Variants in THEMIS observed in about 807,000 individuals in gnomAD.
THEMIS encodes the protein protein THEMIS.
THEMIS carries 37 observed loss-of-function variants against 52.6 expected under a neutral mutation model. The observed-to-expected ratio is 0.70, with a 90% CI of 0.54 to 0.93. THEMIS has a LOEUF of 0.93. Ranked by LOEUF, THEMIS falls within the 40% of genes least tolerant of loss-of-function variation. The pLI is 0.00. For missense variants in THEMIS, 808 were observed against 763.1 expected (o/e 1.06, Z -0.69); for synonymous variants, 292 against 272.7 (o/e 1.07, Z -0.70).
At chr6:127,761,687 C>G (rs1322879831) in intron 4 of THEMIS, among the ~76,000 whole-genome samples, 1 of 152,120 alleles carries the variant, frequency 6.6e-6, no homozygotes, top group African/African-American at 2.4e-5. Context: ...GCAGCCCACC[C>G]TTTTCTTTTT....
intron 2 of THEMIS, among the ~76,000 whole-genome samples, chr6:127,844,327 G>T (rs959691620): frequency 4.0e-5 from 6 of 151,702 alleles, no homozygotes; most frequent in Non-Finnish European, 7.4e-5. Context: ...GTACATCTTT[G>T]GTATCTTCAT....
At chr6:127,763,395 C>A (rs1776087325) in intron 4 of THEMIS, among the ~76,000 whole-genome samples, 1 of 151,908 alleles carries the variant, frequency 6.6e-6, no homozygotes, top group South Asian at 2.1e-4. Context: ...TCATCCCAAA[C>A]AAAAGTTAAT....
intron 2 of THEMIS, among the ~76,000 whole-genome samples, chr6:127,842,753 G>T (rs1239686108): frequency 6.6e-6 from 1 of 151,818 alleles, no homozygotes; most frequent in Non-Finnish European, 1.5e-5. Context: ...TTTCTTGGAG[G>T]GCAAAAGTTG....
At chr6:127,881,444 T>C (rs1780482387) in intron 1 of THEMIS, among the ~76,000 whole-genome samples, 1 of 152,110 alleles carries the variant, frequency 6.6e-6, no homozygotes, top group Admixed American at 6.5e-5. Flanking sequence ...TCTATATTTA[T>C]AGGATTATAG....
chr6:127,906,873 C>T (rs193225111), intron 1 of THEMIS, among the ~76,000 whole-genome samples: 13 of 151,650 alleles, frequency 8.6e-5, no homozygotes, highest in South Asian at 6.2e-4. Context: ...GCAAACTTTA[C>T]GTAAAATACC....
intron 4 of THEMIS, among the ~76,000 whole-genome samples, chr6:127,734,264 A>G (rs761836981): frequency 3.9e-5 from 6 of 152,224 alleles, no homozygotes; most frequent in Non-Finnish European, 8.8e-5. Flanking sequence ...TTCAGGTGTG[A>G]CACTATATTG....
chr6:127,872,401 A>G (rs1334343940), intron 1 of THEMIS, among the ~76,000 whole-genome samples: 5 of 151,958 alleles, frequency 3.3e-5, no homozygotes, highest in Admixed American at 2.6e-4. Flanking sequence ...GTGAAACTCC[A>G]TCTCTACTAA....
intron 1 of THEMIS, among the ~76,000 whole-genome samples, chr6:127,862,428 A>ATTTTTGTTTTTTTTTTTTT (rs1779834354): frequency 4.1e-5 from 3 of 72,808 alleles, no homozygotes; most frequent in Admixed American, 1.7e-4. Flanking sequence ...TAGGGAGTAA[A>ATTTTTGTTTTTTTTTTTTT]TTTTTTTTTT....
chr6:127,744,778 T>C (rs888480001), intron 4 of THEMIS, among the ~76,000 whole-genome samples: 1 of 151,898 alleles, frequency 6.6e-6, no homozygotes, highest in African/African-American at 2.4e-5. Context: ...TGGTTAACGA[T>C]ACAATCCTGT....
chr6:127,890,648 C>T (rs1780776630), intron 1 of THEMIS, among the ~76,000 whole-genome samples: 1 of 152,074 alleles, frequency 6.6e-6, no homozygotes, highest in African/African-American at 2.4e-5. Context: ...CCTAATTACT[C>T]TAACTTGATC....
intron 4 of THEMIS, among the ~76,000 whole-genome samples, chr6:127,782,361 C>G (rs751658780): frequency 3.3e-5 from 5 of 152,150 alleles, no homozygotes; most frequent in Non-Finnish European, 7.4e-5. Context: ...AAAACTCCTG[C>G]AGCTAGCTCA....
intron 1 of THEMIS, among the ~76,000 whole-genome samples, chr6:127,900,147 A>C (rs912078552): frequency 6.6e-6 from 1 of 151,764 alleles, no homozygotes; most frequent in South Asian, 2.1e-4. Flanking sequence ...TATGTATTCA[A>C]ACTAACCATG....
chr6:127,879,401 A>G (rs553720447), intron 1 of THEMIS, among the ~76,000 whole-genome samples: 22 of 152,266 alleles, frequency 1.4e-4, no homozygotes, highest in African/African-American at 5.3e-4. Context: ...AAAGAGTGTC[A>G]GCTGGATAAA....
chr6:127,745,255 T>C (rs1260395415), intron 4 of THEMIS, among the ~76,000 whole-genome samples: 3 of 151,864 alleles, frequency 2.0e-5, no homozygotes, highest in Non-Finnish European at 4.4e-5. Flanking sequence ...ATAATTCTAC[T>C]GGTGGAAAAT....
At chr6:127,707,764 A>G (rs1045668296), downstream of THEMIS, among the ~76,000 whole-genome samples, 1 of 152,112 alleles carries the variant, frequency 6.6e-6, no homozygotes, top group Non-Finnish European at 1.5e-5. Flanking sequence ...TTAAACACCT[A>G]AAAGTCTCAT....
intron 5 of THEMIS, among the ~76,000 whole-genome samples, chr6:127,710,303 G>C (rs1200074496): frequency 6.6e-6 from 1 of 151,978 alleles, no homozygotes; most frequent in Non-Finnish European, 1.5e-5. Flanking sequence ...TTGCGTTTCA[G>C]TTCATCCTTA....
Position 127,766,567 on chromosome 6 carries a change from A to G in THEMIS, c.1758+46316T>C, listed in dbSNP as rs1776207226. Among the ~76,000 whole-genome samples, 7 of 152,184 alleles carry G rather than the reference A, an allele frequency of 4.6e-5. No homozygotes were observed. In the South Asian group the frequency reaches 1.4e-3, roughly 32 times the overall value. On this transcript the variant is annotated intron_variant, in intron 4 of 5. Transcript: ENST00000368248. Reference sequence around the variant, plus strand: ...AATTTTGTCATTGTGCAAGCACCACAGAGTACACTTACAGAAACATAGATG... The same window carrying G: ...AATTTTGTCATTGTGCAAGCACCACGGAGTACACTTACAGAAACATAGATG...
the THEMIS span, among the ~76,000 whole-genome samples, chr6:127,699,455 T>C: frequency 6.7e-6 from 1 of 149,466 alleles, no homozygotes; most frequent in Non-Finnish European, 1.5e-5. Flanking sequence ...GAAAAGTACA[T>C]TGTACATACT....
intron 4 of THEMIS, among the ~76,000 whole-genome samples, chr6:127,761,582 A>ACAT (rs1776023205): frequency 6.6e-6 from 1 of 152,168 alleles, no homozygotes; most frequent in Admixed American, 6.6e-5. Context: ...AGGCCACTGA[A>ACAT]CAAGCACTAG....
Sources: gnomAD v4.1 joint callset for allele counts (sites outside exome capture counted in the v4.1 genomes callset) on GRCh38, gnomAD v4.1.1 for gene constraint, MANE v1.5 for transcripts, NCBI Gene and HGNC (gene_info 2026-07-23, HGNC 2026-07-21) for gene names.